Variants in RANBP3 observed in about 807,000 individuals in gnomAD.
RANBP3 encodes the protein RAN binding protein 3, also known as ran-binding protein 3.
Under a neutral mutation model 77.3 loss-of-function variants are expected in RANBP3, and 14 were observed. That is an observed-to-expected ratio of 0.18 (90% CI 0.12 to 0.28). The LOEUF (loss-of-function observed/expected upper bound fraction) is 0.28. Among genes scored for constraint, RANBP3 ranks in the 10% least tolerant of loss-of-function variants. The pLI, the probability that RANBP3 is intolerant of heterozygous loss-of-function variation, is 1.00. For missense variants in RANBP3, 586 were observed against 752.3 expected (o/e 0.78, Z 2.59); for synonymous variants, 315 against 312.4 (o/e 1.01, Z -0.09).
At chr19:5,973,512 C>A (rs1166755434) in intron 1 of RANBP3, among the ~76,000 whole-genome samples, 1 of 152,208 alleles carries the variant, frequency 6.6e-6, no homozygotes, top group African/African-American at 2.4e-5. Context: ...CAATCGCCCA[C>A]AACAGAGAAT....
chr19:5,955,133 T>A (rs1334283770), intron 2 of RANBP3, among the ~76,000 whole-genome samples: 4 of 152,248 alleles, frequency 2.6e-5, no homozygotes, highest in Non-Finnish European at 5.9e-5. Context: ...TTTTAATTTT[T>A]ATTTTTAATT....
At chr19:5,935,078 C>T (rs536579348) in intron 5 of RANBP3, among the ~76,000 whole-genome samples, 1 of 152,272 alleles carries the variant, frequency 6.6e-6, no homozygotes, top group South Asian at 2.1e-4. Flanking sequence ...TGTGGATGTA[C>T]TAAAACCACT....
In RANBP3 at chr19:5,951,442, G is replaced by C; in HGVS notation, c.233C>G (p.Pro78Arg). The C allele has an allele frequency of 6.3e-7, 1 of 1,595,278 alleles. No individual in the cohort carries two copies. Among genetic ancestry groups the C allele is most frequent in the Non-Finnish European group, 8.5e-7 (1 of 1,170,238 alleles). ...PAGASASTPP[P>R]PAPEAQLPPF... ...AGGAAGCTGGGCTTCAGGAGCGGGA[G>C]GCGGAGGAGTGCTGGCTGAGGCGCC... The change falls in exon 3 of 17, where the codon CCT becomes CGT. Residue 78 changes from proline (P) to arginine (R), a missense_variant. Transcript: ENST00000340578.
At chr19:5,932,411 C>A (rs757564774) in intron 7 of RANBP3, 41 bp downstream of exon 7, 3 of 1,572,202 alleles carry the variant, frequency 1.9e-6, no homozygotes, top group South Asian at 2.2e-5. Context: ...AACGCTCTAC[C>A]CTGCCGTCTG....
chr19:5,933,326 C>A, intron 6 of RANBP3, 88 bp downstream of exon 6: 1 of 1,072,542 alleles, frequency 9.3e-7, no homozygotes, highest in Non-Finnish European at 1.3e-6. Context: ...AGAAAGCAGG[C>A]TGAGCCCGCG....
intron 5 of RANBP3, among the ~76,000 whole-genome samples, chr19:5,936,802 C>G (rs1475877465): frequency 6.6e-6 from 1 of 152,032 alleles, no homozygotes; most frequent in African/African-American, 2.4e-5. Context: ...CAGAAGCTCG[C>G]CTGTCTATGT....
At chr19:5,939,048 T>C (rs183507435) in intron 5 of RANBP3, among the ~76,000 whole-genome samples, 190 of 151,386 alleles carry the variant, frequency 1.3e-3, no homozygotes, top group Non-Finnish European at 2.4e-3. Flanking sequence ...ACCCCGGCAT[T>C]GTGGTGTGCG....
chr19:5,951,531 G>A lies in RANBP3; in HGVS notation c.144C>T (p.Pro48=). 6.2e-7 allele frequency: 1 copy of A among 1,612,488 alleles called. No individual in the cohort carries two copies. Among genetic ancestry groups the A allele is most frequent in the East Asian group, 2.2e-5 (1 of 44,876 alleles). The change falls in exon 3 of 17, where the codon CCC becomes CCT. Residue 48 remains proline (P), a synonymous_variant. Transcript: ENST00000340578. Reference sequence around the variant, plus strand: ...ACTCGGGGTGACCCGTGCCATGGTGGGGGGCCTCAGCCTCCCCCCGAGGCT... The same window carrying A: ...ACTCGGGGTGACCCGTGCCATGGTGAGGGGCCTCAGCCTCCCCCCGAGGCT... ...GEEPRGEAEA[P]HHGTGHPESA...
chr19:5,955,957 A>G (rs1162586509), intron 2 of RANBP3, among the ~76,000 whole-genome samples: 1 of 151,854 alleles, frequency 6.6e-6, no homozygotes, highest in Non-Finnish European at 1.5e-5. Flanking sequence ...TTTTTTTTTC[A>G]AATTAGCCAG....
In RANBP3 at chr19:5,966,154, C is replaced by T. The variant is rs148475859; in HGVS notation, c.23-8181G>A. Reference sequence around the variant, plus strand: ...AGGCCTCAGAGCTACAACACATACACTCTTCCCTTTAGAGAAATGACAGCA... The same window carrying T: ...AGGCCTCAGAGCTACAACACATACATTCTTCCCTTTAGAGAAATGACAGCA... On this transcript the variant is annotated intron_variant, in intron 1 of 16. Transcript: ENST00000340578. Among the ~76,000 whole-genome samples the T allele has an allele frequency of 4.5e-3, 679 of 152,364 alleles. 3 individuals carry two copies. Among genetic ancestry groups the T allele is most frequent in the African/African-American group, 0.016 (651 of 41,572 alleles).
Position 5,923,851 on chromosome 19 carries a change from C to G in RANBP3, c.1060G>C (p.Gly354Arg). 6.2e-7 allele frequency: 1 copy of G among 1,614,198 alleles called. No individual in the cohort carries two copies. The highest frequency in any genetic ancestry group is 8.5e-7 in the Non-Finnish European group (1 of 1,180,038). ...ANRENAAAES[G>R]SESSSQEATP... is the part of the protein sequence containing the mutation. ...GCCTCCTGGGACGAGGACTCAGACCCTGACTCGGCAGCTGCATTTTCCCTG... is the reference window on the plus strand; with the variant it reads ...GCCTCCTGGGACGAGGACTCAGACCGTGACTCGGCAGCTGCATTTTCCCTG... The change falls in exon 12 of 17, where the codon GGG (glycine) becomes CGG (arginine). Residue 354 changes from glycine (G) to arginine (R), a missense_variant. Gly to Arg is a moderately radical substitution (Grantham distance 125). Coordinates refer to ENST00000340578, the MANE Select transcript of RANBP3 (RefSeq NM_007322.3).
chr19:5,960,158 A>G (rs2058382423), intron 1 of RANBP3, among the ~76,000 whole-genome samples: 1 of 151,954 alleles, frequency 6.6e-6, no homozygotes, highest in Non-Finnish European at 1.5e-5. Flanking sequence ...GGGAGGGGGA[A>G]GACTAAATCT....
chr19:5,939,780 G>A (rs2058111554), intron 5 of RANBP3, among the ~76,000 whole-genome samples: 1 of 152,142 alleles, frequency 6.6e-6, no homozygotes, highest in South Asian at 2.1e-4. Flanking sequence ...ACAGCACTAC[G>A]AGGGTCTCCA....
chr19:5,932,391 C>A (rs556069231), intron 7 of RANBP3, 61 bp downstream of exon 7: 9 of 1,398,174 alleles, frequency 6.4e-6, no homozygotes, highest in African/African-American at 1.4e-5. Context: ...GTCCCGGGTG[C>A]GACTTCGGGA....
chr19:5,940,467 CAG>C (rs2058121353), intron 5 of RANBP3, among the ~76,000 whole-genome samples: 1 of 152,192 alleles, frequency 6.6e-6, no homozygotes, highest in Admixed American at 6.5e-5. Context: ...CAGCAGATGA[CAG>C]TGTAATAGCA....
Position 5,952,693 on chromosome 19 carries a change from T to TA in RANBP3, c.79-1098dup, listed in dbSNP as rs1215010943. Among the ~76,000 whole-genome samples the TA allele has an allele frequency of 2.6e-5, 4 of 152,056 alleles. No individual in the cohort carries two copies. Among genetic ancestry groups the TA allele is most frequent in the African/African-American group, 9.7e-5 (4 of 41,370 alleles). ...CTTTAGACGGGGTTTGGGCACTACT[T>TA]AAAAAGCAGTGATCCGGGAGGAGGA... On this transcript the variant is annotated intron_variant, in intron 2 of 16. Coordinates refer to ENST00000340578, the MANE Select transcript of RANBP3 (RefSeq NM_007322.3). This position sits in a 1 kb window ranked among gnomAD's most constrained non-coding sequence, Gnocchi z 4.1.
At chr19:5,961,637 G>A (rs185114669) in intron 1 of RANBP3, among the ~76,000 whole-genome samples, 2 of 152,224 alleles carry the variant, frequency 1.3e-5, no homozygotes, top group Non-Finnish European at 2.9e-5. Context: ...AGAGGCTGAG[G>A]CAGGAGAATC....
At chr19:5,946,411 C>T (rs942723143) in intron 3 of RANBP3, among the ~76,000 whole-genome samples, 1 of 152,230 alleles carries the variant, frequency 6.6e-6, no homozygotes, top group African/African-American at 2.4e-5. Flanking sequence ...CTCAGGAGAC[C>T]CTCAAATCCG....
chr19:5,951,274 G>GAAATCC, intron 3 of RANBP3, 119 bp downstream of exon 3: 1 of 947,396 alleles, frequency 1.1e-6, no homozygotes, highest in Non-Finnish European at 1.6e-6. Flanking sequence ...CATCTTTTAA[G>GAAATCC]TTACCATTAG....
Sources: gnomAD v4.1 joint callset for allele counts (sites outside exome capture counted in the v4.1 genomes callset) on GRCh38, gnomAD v4.1.1 for gene constraint, Gnocchi (gnomAD v3.1) non-coding constraint, MANE v1.5 for transcripts, NCBI Gene and HGNC (gene_info 2026-07-23, HGNC 2026-07-21) for gene names.